BIN2: variants seen among roughly 807,000 people sequenced by gnomAD.
BIN2 encodes breast cancer associated protein BRAP1.
BIN2 carries 43 observed loss-of-function variants against 67.9 expected under a neutral mutation model. The observed-to-expected ratio is 0.63, with a 90% CI of 0.50 to 0.82. The LOEUF is 0.82. Ranked by LOEUF, BIN2 falls within the 40% of genes least tolerant of loss-of-function variation. BIN2 has a pLI of 0.00. For missense variants in BIN2, 581 were observed against 671.6 expected (o/e 0.87, Z 1.49); for synonymous variants, 244 against 246.8 (o/e 0.99, Z 0.11).
rs1313274137 is a variant in BIN2, at chr12:51,297,234, AAGT to A, written c.603-73_603-71del. On this transcript the variant is annotated intron_variant, in intron 7 of 12. Coordinates refer to ENST00000615107, the MANE Select transcript of BIN2 (RefSeq NM_016293.4). ...AAAGGAGTTCTTTGTTTGAAATACA[AAGT>A]AGGACTTAAGCCAAAACCAGCCACC... 6.0e-6 allele frequency: 9 copies of A among 1,491,312 alleles called. No individual in the cohort carries two copies. In the African/African-American group the frequency reaches 1.1e-4, roughly 18 times the overall value. The allele number at this position is 1,491,312 out of a possible 1,614,324, so 92.4% of individuals were successfully genotyped here. A position where few individuals can be genotyped will look rare whatever the true frequency, so the allele number is the denominator to read the frequency against.
intron 4 of BIN2, chr12:51,302,336 G>C: frequency 1.8e-6 from 1 of 547,934 alleles, no homozygotes; most frequent in Non-Finnish European, 3.3e-6. Flanking sequence ...TTAAGAACAG[G>C]GCACAAGGTC....
In BIN2 at chr12:51,292,271, T is replaced by G. The variant is rs1436442266; in HGVS notation, c.835A>C (p.Thr279Pro). The G allele has an allele frequency of 6.2e-6, 10 of 1,601,742 alleles. No individual in the cohort carries two copies. The highest frequency in any genetic ancestry group is 8.5e-6 in the Non-Finnish European group (10 of 1,179,908). The change falls in exon 10 of 13, where the codon ACT becomes CCT. Residue 279 changes from threonine (T) to proline (P), a missense_variant. By Grantham distance (38) the Thr-to-Pro change is conservative (BLOSUM62 -1). Transcript: ENST00000615107. The part of the protein sequence containing the change: ...ATVSSPLTSP[T>P]SPSTLSLKSE... ...TTCAAGGAAAGTGTAGAGGGACTAG[T>G]AGGTGAGGTAAGAGGACTGGAGACT...
chr12:51,296,971 G>T (rs2137380317), intron 8 of BIN2, 118 bp downstream of exon 8: 2 of 935,526 alleles, frequency 2.1e-6, no homozygotes, highest in Non-Finnish European at 3.2e-6. Context: ...CATCATGAGA[G>T]AAAAGCCAAA....
chr12:51,324,194 C>T, upstream of BIN2: 1 of 1,535,772 alleles, frequency 6.5e-7, no homozygotes, highest in South Asian at 1.2e-5. Context: ...CGGCATGCCT[C>T]GCATCCGGCC....
intron 10 of BIN2, among the ~76,000 whole-genome samples, chr12:51,290,887 C>T (rs927874063): frequency 6.6e-6 from 1 of 152,086 alleles, no homozygotes; most frequent in Admixed American, 6.5e-5. Context: ...GAGCAGAGAT[C>T]GTGCCACTGC....
At chr12:51,294,761 A>G (rs957108472) in intron 9 of BIN2, among the ~76,000 whole-genome samples, 4 of 152,144 alleles carry the variant, frequency 2.6e-5, no homozygotes, top group Non-Finnish European at 4.4e-5. Flanking sequence ...GATAAATACT[A>G]AATGTAACAT....
At chr12:51,319,030 A>G (rs1565692055) in intron 1 of BIN2, among the ~76,000 whole-genome samples, 3 of 152,202 alleles carry the variant, frequency 2.0e-5, no homozygotes, top group South Asian at 4.1e-4. Context: ...CTAACAAAAC[A>G]CTGTTCTCTA....
intron 1 of BIN2, among the ~76,000 whole-genome samples, chr12:51,319,877 G>T (rs1946221935): frequency 6.6e-6 from 1 of 152,034 alleles, no homozygotes; most frequent in Non-Finnish European, 1.5e-5. Flanking sequence ...CATAGGGCCT[G>T]GATATTTGAT....
At chr12:51,308,324 A>C (rs1287466529) in intron 2 of BIN2, among the ~76,000 whole-genome samples, 2 of 152,142 alleles carry the variant, frequency 1.3e-5, no homozygotes, top group African/African-American at 4.8e-5. Flanking sequence ...TGACTTTATC[A>C]CTTCTGCTCT....
In BIN2 at chr12:51,293,606, C is replaced by T. The variant is rs567046995; in HGVS notation, c.762-1262G>A. 1.6e-4 allele frequency among the ~76,000 whole-genome samples: 25 copies of T among 152,312 alleles called. No individual in the cohort carries two copies. The South Asian group carries it at 4.8e-3, about 29-fold the overall frequency. ...GGATTACAGGCGTGAGCCATCGTGCCTGGCACAAAAACTTACATAGATCGA... is the reference window on the plus strand; with the variant it reads ...GGATTACAGGCGTGAGCCATCGTGCTTGGCACAAAAACTTACATAGATCGA... On this transcript the variant is annotated intron_variant, in intron 9 of 12. Transcript: ENST00000615107.
chr12:51,292,413 C>A, intron 9 of BIN2, 69 bp from the exon 10 acceptor site: 2 of 1,411,620 alleles, frequency 1.4e-6, no homozygotes, highest in Non-Finnish European at 1.9e-6. Flanking sequence ...GCAAAACTTA[C>A]GATGCATGTA....
intron 2 of BIN2, among the ~76,000 whole-genome samples, chr12:51,306,612 G>A (rs892476124): frequency 6.6e-5 from 10 of 152,212 alleles, no homozygotes; most frequent in Non-Finnish European, 1.3e-4. Context: ...GGGCGACACA[G>A]CAGACTCTGT....
rs1180141659 is a variant in BIN2 at position 51,292,328 on chromosome 12, A to G, written c.778T>C (p.Leu260=). ...GTTCGAACTGGGGGAGAAATGACTAAAGAGCGCCTGCTGCTGCTAAAAAAG... is the reference window on the plus strand; with the variant it reads ...GTTCGAACTGGGGGAGAAATGACTAGAGAGCGCCTGCTGCTGCTAAAAAAG... ...KGLSSSSRRS[L]VISPPVRTAT... Residue 260 remains leucine, a synonymous_variant, in exon 10 of 13, where the codon TTA becomes CTA. Transcript: ENST00000615107. The G allele has an allele frequency of 1.9e-6, 3 of 1,580,204 alleles. No homozygotes were observed. The East Asian group carries it at 6.7e-5, about 36-fold the overall frequency.
At chr12:51,289,360 A>G (rs1945326554) in intron 10 of BIN2, among the ~76,000 whole-genome samples, 3 of 151,762 alleles carry the variant, frequency 2.0e-5, no homozygotes, top group African/African-American at 4.8e-5. Flanking sequence ...CACACCTGTA[A>G]GCCCAGCACT....
At chr12:51,324,507 A>T, upstream of BIN2, 1 of 1,528,102 alleles carries the variant, frequency 6.5e-7, no homozygotes, top group Non-Finnish European at 8.7e-7. Flanking sequence ...CAGCGAGAGG[A>T]CCTACCATAT....
chr12:51,295,475 A>G (rs1313149679), intron 9 of BIN2, among the ~76,000 whole-genome samples: 1 of 148,608 alleles, frequency 6.7e-6, no homozygotes, highest in Non-Finnish European at 1.5e-5. Flanking sequence ...AGGCAGGAGA[A>G]TGGCATGAAC....
chr12:51,304,135 C>A (rs543452160), intron 2 of BIN2: 1 of 152,204 alleles, frequency 6.6e-6, no homozygotes, highest in Non-Finnish European at 1.5e-5. Flanking sequence ...GTCCCAGCTA[C>A]GCAGGAGGCT....
At chr12:51,297,766 T>C (rs1393291375) in intron 7 of BIN2, among the ~76,000 whole-genome samples, 1 of 152,084 alleles carries the variant, frequency 6.6e-6, no homozygotes, top group African/African-American at 2.4e-5. Flanking sequence ...TGAGGAGACA[T>C]AAAAGGGCTT....
chr12:51,285,685 G>A (rs968080651), intron 11 of BIN2, among the ~76,000 whole-genome samples: 6 of 148,978 alleles, frequency 4.0e-5, no homozygotes, highest in African/African-American at 1.5e-4. Flanking sequence ...GTGCAGTGGC[G>A]TGATCTTGGT....
Sources: allele counts gnomAD v4.1 joint callset (sites outside exome capture counted in the v4.1 genomes callset), GRCh38; gene constraint gnomAD v4.1.1; transcripts MANE v1.5; gene names NCBI Gene and HGNC (gene_info 2026-07-23, HGNC 2026-07-21).